PM20D2: variants seen among roughly 807,000 people sequenced by gnomAD.
PM20D2 encodes the protein xaa-Arg dipeptidase.
PM20D2 carries 33 observed loss-of-function variants against 42.9 expected under a neutral mutation model. That is an observed-to-expected ratio of 0.77 (90% CI 0.58 to 1.03). PM20D2 has a LOEUF of 1.03. Among genes scored for constraint, PM20D2 ranks in the 50% least tolerant of loss-of-function variants. The probability of loss-of-function intolerance (pLI) is 0.00; values close to 1 mark genes in which losing one functional copy is unlikely to be tolerated. For missense variants in PM20D2, 548 were observed against 557.0 expected, an observed-to-expected ratio of 0.98 and a Z score of 0.16; for synonymous variants, 250 against 228.2, an observed-to-expected ratio of 1.10 and a Z score of -0.86.
rs57998485 is a variant in PM20D2 at position 89,164,922 on chromosome 6, T to TAAAAAAAAAAAAA, written c.*2667_*2679dup. On this transcript the variant is annotated 3_prime_UTR_variant, in exon 7 of 7. Transcript: ENST00000275072. ...TAAAATTGATGAGTTTCTGTGCCTG[T>TAAAAAAAAAAAAA]AAAAAAAAAAAAAAAAAAAAGAAAA... 1 of 107,724 alleles carries TAAAAAAAAAAAAA rather than the reference T, an allele frequency of 9.3e-6. No homozygotes were observed. Among genetic ancestry groups the TAAAAAAAAAAAAA allele is most frequent in the African/African-American group, 3.4e-5 (1 of 29,656 alleles). The allele number at this position is 107,724 out of a possible 1,614,324, so 6.7% of individuals were successfully genotyped here.
chr6:89,146,065 C>G lies in PM20D2; in HGVS notation c.-80C>G, dbSNP rs1412529657. On this transcript the variant is annotated 5_prime_UTR_variant, in exon 1 of 7. Transcript: ENST00000275072. ...CGCTCCGCCGGGGTCCTGGAGGCCT[C>G]TGGGCGCGTGCGCGGGCGGTCGCTA... 1 of 1,276,884 alleles carries G rather than the reference C, an allele frequency of 7.8e-7. No homozygotes were observed. Among genetic ancestry groups the G allele is most frequent in the Non-Finnish European group, 1.0e-6 (1 of 991,792 alleles). 79.1% of individuals were successfully genotyped at this position (1,276,884 alleles called of 1,614,324 possible).
upstream of PM20D2, among the ~76,000 whole-genome samples, chr6:89,144,182 T>C (rs891457435): frequency 6.8e-5 from 7 of 103,428 alleles, no homozygotes; most frequent in South Asian, 1.4e-3. Context: ...CACCCACATA[T>C]ATACACAAGG....
chr6:89,106,411 C>A, the PM20D2 span, among the ~76,000 whole-genome samples: 1 of 152,052 alleles, frequency 6.6e-6, no homozygotes, highest in Admixed American at 6.6e-5. Context: ...CCGCACCCAG[C>A]CAAACATTTA....
the PM20D2 span, among the ~76,000 whole-genome samples, chr6:89,101,539 T>A: frequency 5.8e-3 from 879 of 152,020 alleles, 7 homozygotes; most frequent in South Asian, 0.019. Flanking sequence ...CTGGCCAACA[T>A]GGAGAAACTC....
intron 4 of PM20D2, 41 bp downstream of exon 4, chr6:89,154,943 T>TACATATACACATATACA: frequency 6.6e-7 from 1 of 1,509,686 alleles, no homozygotes; most frequent in East Asian, 2.4e-5. Context: ...CAATCAGAGG[T>TACATATACACATATACA]ATATATGTGG....
the PM20D2 span, among the ~76,000 whole-genome samples, chr6:89,134,613 A>G: frequency 1.0e-3 from 157 of 151,348 alleles, 4 homozygotes; most frequent in African/African-American, 3.8e-3. Flanking sequence ...GTGCAGTGAT[A>G]CCAATAAGTA....
At chr6:89,099,869 A>G in the PM20D2 span, among the ~76,000 whole-genome samples, 1 of 152,128 alleles carries the variant, frequency 6.6e-6, no homozygotes, top group Non-Finnish European at 1.5e-5. Flanking sequence ...CACAACATTT[A>G]TAAAACAACT....
chr6:89,145,743 T>G (rs1311436962), upstream of PM20D2, among the ~76,000 whole-genome samples: 2 of 152,206 alleles, frequency 1.3e-5, no homozygotes, highest in African/African-American at 4.8e-5. Flanking sequence ...TTCCGAGGAC[T>G]GTGTTCCACT....
chr6:89,119,100 C>T, the PM20D2 span, among the ~76,000 whole-genome samples: 3 of 152,176 alleles, frequency 2.0e-5, no homozygotes, highest in Admixed American at 6.5e-5. Context: ...CTCCCAGAGG[C>T]TGTGGAGGTT....
chr6:89,102,069 T>C, the PM20D2 span, among the ~76,000 whole-genome samples: 3 of 151,976 alleles, frequency 2.0e-5, no homozygotes, highest in East Asian at 3.9e-4. Flanking sequence ...GATAGTAACA[T>C]TGAACTAGAT....
the PM20D2 span, among the ~76,000 whole-genome samples, chr6:89,108,290 T>C: frequency 6.6e-6 from 1 of 152,226 alleles, no homozygotes; most frequent in Non-Finnish European, 1.5e-5. Context: ...TTAGCCAGTG[T>C]TCACCTTACA....
chr6:89,130,532 A>G, the PM20D2 span, among the ~76,000 whole-genome samples: 1 of 152,248 alleles, frequency 6.6e-6, no homozygotes, highest in East Asian at 1.9e-4. Flanking sequence ...TCACTCAGAA[A>G]GTTCTCTCAT....
chr6:89,106,172 G>C, the PM20D2 span, among the ~76,000 whole-genome samples: 1 of 152,150 alleles, frequency 6.6e-6, no homozygotes, highest in African/African-American at 2.4e-5. Flanking sequence ...CCAGGCTGGA[G>C]TGCAATGGCG....
At chr6:89,140,539 C>A in the PM20D2 span, among the ~76,000 whole-genome samples, 1 of 152,164 alleles carries the variant, frequency 6.6e-6, no homozygotes, top group East Asian at 1.9e-4. Context: ...CGGGCCCAAG[C>A]TCTAGATGTT....
chr6:89,115,785 C>T, the PM20D2 span, among the ~76,000 whole-genome samples: 1 of 141,044 alleles, frequency 7.1e-6, no homozygotes, highest in Non-Finnish European at 1.5e-5. Flanking sequence ...TACAGGCACC[C>T]GCCACCACGC....
At chr6:89,117,906 C>T in the PM20D2 span, 20 of 1,557,398 alleles carry the variant, frequency 1.3e-5, no homozygotes, top group East Asian at 8.0e-5. Flanking sequence ...CCTCCGTTCC[C>T]TCCGGGTCTG....
chr6:89,124,549 A>G, the PM20D2 span, among the ~76,000 whole-genome samples: 1 of 152,170 alleles, frequency 6.6e-6, no homozygotes, highest in Non-Finnish European at 1.5e-5. Context: ...GAGGAAATCA[A>G]TGTTTGTGCT....
the PM20D2 span, chr6:89,098,273 C>A: frequency 4.1e-6 from 1 of 244,634 alleles, no homozygotes; most frequent in Non-Finnish European, 7.9e-6. Context: ...TAATACTATG[C>A]AAGTAGAATT....
chr6:89,158,371 A>G lies in PM20D2; in HGVS notation c.959A>G (p.Asn320Ser), dbSNP rs141826904. Residue 320 changes from asparagine to serine, a missense_variant, in exon 5 of 7, where the codon AAT becomes AGT. Coordinates refer to ENST00000275072, the MANE Select transcript of PM20D2 (RefSeq NM_001010853.3). ...GAHDYYNVLP[N>S]KSLWKAYMEN... ...CATGATTATTACAATGTTCTTCCCA[A>G]TAAGAGCCTATGGAAAGCCTATATG... 6.4e-5 allele frequency: 103 copies of G among 1,611,236 alleles called. No individual in the cohort carries two copies. The African/African-American group carries it at 8.5e-4, about 13-fold the overall frequency.
Sources: allele counts gnomAD v4.1 joint callset (sites outside exome capture counted in the v4.1 genomes callset), GRCh38; gene constraint gnomAD v4.1.1; transcripts MANE v1.5; gene names NCBI Gene and HGNC (gene_info 2026-07-23, HGNC 2026-07-21).